The following EPHB1 variants were observed in gnomAD, a reference collection of about 807,000 sequenced individuals.
The protein encoded by EPHB1 is ephrin type-B receptor 1.
EPHB1 carries 30 observed loss-of-function variants against 94.4 expected under a neutral mutation model. The ratio of observed to expected loss-of-function variants is 0.32; its 90% CI spans 0.24 to 0.43. The LOEUF is 0.43. EPHB1 is among the 20% of genes least tolerant of loss of function. The pLI is 1.00. For missense variants in EPHB1, 1,055 were observed against 1,308.3 expected, an observed-to-expected ratio of 0.81 and a Z score of 2.99; for synonymous variants, 522 against 489.1, an observed-to-expected ratio of 1.07 and a Z score of -0.89.
rs535077956 is a variant in EPHB1 at position 135,131,164 on chromosome 3, G to C, written c.962-1550G>C. Among the ~76,000 whole-genome samples, 34 of 152,352 alleles carry C rather than the reference G, an allele frequency of 2.2e-4. 1 individual carries two copies. In the Middle Eastern group the frequency reaches 0.01, roughly 46 times the overall value. ...CTGTTTGCAAGACTTCAGTAAAAAT[G>C]CTCCATGAATTCTGCCCTGTCACAT... On this transcript the variant is annotated intron_variant, in intron 4 of 15. Transcript: ENST00000398015.
chr3:134,829,342 T>TG (rs2036540455), intron 1 of EPHB1, among the ~76,000 whole-genome samples: 3 of 151,242 alleles, frequency 2.0e-5, no homozygotes, highest in Admixed American at 2.0e-4. Context: ...ACTTTGGGGG[T>TG]GGGGGTGGTT....
intron 1 of EPHB1, among the ~76,000 whole-genome samples, chr3:134,829,850 A>G (rs1033929585): frequency 3.3e-5 from 5 of 152,194 alleles, no homozygotes; most frequent in Non-Finnish European, 5.9e-5. Context: ...CCATGAGAAC[A>G]TGACAGCAGA....
chr3:135,196,410 A>T (rs1942617579), intron 11 of EPHB1, among the ~76,000 whole-genome samples: 1 of 152,048 alleles, frequency 6.6e-6, no homozygotes, highest in African/African-American at 2.4e-5. Flanking sequence ...GCACGGGAAA[A>T]CAGAGGAGCA....
chr3:134,882,775 T>TTTTTTCTTTCTTTCTTTCTTTCA (rs2037773417), intron 1 of EPHB1, among the ~76,000 whole-genome samples: 1 of 33,412 alleles, frequency 3.0e-5, no homozygotes, highest in Non-Finnish European at 8.5e-5. Flanking sequence ...CCTTTCTTTC[T>TTTTTTCTTTCTTTCTTTCTTTCA]TTCTTTCTTT....
chr3:135,051,859 T>A (rs886289550), intron 3 of EPHB1, among the ~76,000 whole-genome samples: 10 of 152,210 alleles, frequency 6.6e-5, no homozygotes, highest in Non-Finnish European at 1.2e-4. Context: ...TAGAATGTTG[T>A]TAATAACAGC....
chr3:135,020,611 G>C (rs1306125946), intron 3 of EPHB1, among the ~76,000 whole-genome samples: 1 of 152,170 alleles, frequency 6.6e-6, no homozygotes, highest in Non-Finnish European at 1.5e-5. Context: ...TTTGCCATTA[G>C]ACTTTCTTAT....
rs1291678407 is a variant in EPHB1 at position 135,000,868 on chromosome 3, C to G, written c.805+48816C>G. On this transcript the variant is annotated intron_variant, in intron 3 of 15. Transcript: ENST00000398015. ...TCCTATGGTGAAGCTATTATCAACA[C>G]TAATCTCAAACCCTGCCAGGAGCCA... 2.0e-5 allele frequency among the ~76,000 whole-genome samples: 3 copies of G among 152,310 alleles called. No individual in the cohort carries two copies. The East Asian group carries it at 5.8e-4, about 29-fold the overall frequency.
At chr3:134,822,602 C>A (rs1028558469) in intron 1 of EPHB1, among the ~76,000 whole-genome samples, 9 of 152,272 alleles carry the variant, frequency 5.9e-5, no homozygotes, top group African/African-American at 2.2e-4. Flanking sequence ...TATTGGTGAG[C>A]AAAGACCACT....
intron 3 of EPHB1, among the ~76,000 whole-genome samples, chr3:135,002,379 A>G (rs1004417834): frequency 1.2e-4 from 19 of 152,282 alleles, no homozygotes; most frequent in African/African-American, 4.1e-4. Context: ...TTTTGCATCA[A>G]TGTTCATCAA....
chr3:134,926,596 G>A (rs2107702652), intron 2 of EPHB1, among the ~76,000 whole-genome samples: 1 of 152,328 alleles, frequency 6.6e-6, no homozygotes, highest in East Asian at 1.9e-4. Context: ...AAACACATAA[G>A]AGGGAAGAGT....
At chr3:135,006,082 G>C (rs181481220) in intron 3 of EPHB1, among the ~76,000 whole-genome samples, 11 of 152,114 alleles carry the variant, frequency 7.2e-5, no homozygotes, top group Non-Finnish European at 4.4e-5. Flanking sequence ...TTCACCTTCC[G>C]CCATGATTGT....
At chr3:135,240,423 G>A (rs897255155) in intron 12 of EPHB1, among the ~76,000 whole-genome samples, 2 of 152,158 alleles carry the variant, frequency 1.3e-5, no homozygotes, top group African/African-American at 4.8e-5. Flanking sequence ...GAAACTTCCA[G>A]TGTGGGATTG....
intron 4 of EPHB1, among the ~76,000 whole-genome samples, chr3:135,111,793 C>T (rs190165786): frequency 1.3e-5 from 2 of 152,288 alleles, no homozygotes; most frequent in Admixed American, 6.5e-5. Flanking sequence ...GATTCTCCTG[C>T]CTCAGCCTCC....
At chr3:135,208,138 T>G (rs1467979241) in intron 12 of EPHB1, among the ~76,000 whole-genome samples, 1 of 152,086 alleles carries the variant, frequency 6.6e-6, no homozygotes, top group East Asian at 1.9e-4. Context: ...AGAGGGAAGA[T>G]GGAGTGGAAC....
Position 135,259,016 on chromosome 3 carries a change from C to T in EPHB1, c.2851C>T (p.Leu951Phe), listed in dbSNP as rs1933536541. 6.2e-7 allele frequency: 1 copy of T among 1,605,248 alleles called. No homozygotes were observed. Among genetic ancestry groups the T allele is most frequent in the African/African-American group, 1.3e-5 (1 of 74,926 alleles). ...TTTCTGGCTCTTTCCTCCTAGAGAC[C>T]TCCTGAGAATAGGCATCACCTTGGC... ...QLVTQMTSED[L>F]LRIGITLAGH... Residue 951 changes from leucine (L) to phenylalanine (F), a missense_variant, in exon 16 of 16, where the codon CTC (leucine) becomes TTC (phenylalanine). Physicochemically the swap from Leu to Phe is conservative, Grantham distance 22. Transcript: ENST00000398015.
At chr3:135,186,554 T>C (rs1293184992) in intron 10 of EPHB1, among the ~76,000 whole-genome samples, 2 of 152,124 alleles carry the variant, frequency 1.3e-5, no homozygotes, top group Non-Finnish European at 2.9e-5. Context: ...TTCCTTTTTT[T>C]CCCCCCAAGG....
At chr3:135,218,667 C>G (rs968341084) in intron 12 of EPHB1, among the ~76,000 whole-genome samples, 1 of 152,242 alleles carries the variant, frequency 6.6e-6, no homozygotes, top group Non-Finnish European at 1.5e-5. Context: ...TGGCTGTTCT[C>G]CTAGCCAATA....
chr3:135,220,424 C>T (rs1241997460), intron 12 of EPHB1, among the ~76,000 whole-genome samples: 2 of 151,996 alleles, frequency 1.3e-5, no homozygotes, highest in East Asian at 1.9e-4. Context: ...AGGTTCTCAG[C>T]GAAAAGATCC....
intron 5 of EPHB1, among the ~76,000 whole-genome samples, chr3:135,138,908 T>C (rs1467476688): frequency 2.0e-5 from 3 of 152,242 alleles, no homozygotes; most frequent in Non-Finnish European, 4.4e-5. Context: ...AACAATGATG[T>C]GTTCTCCGTT....
Sources: allele counts gnomAD v4.1 joint callset (sites outside exome capture counted in the v4.1 genomes callset), GRCh38; gene constraint gnomAD v4.1.1; transcripts MANE v1.5; gene names NCBI Gene and HGNC (gene_info 2026-07-23, HGNC 2026-07-21).